Variants in PDE2A observed in about 807,000 individuals in gnomAD.
PDE2A encodes phosphodiesterase 2A, also known as cGMP-dependent 3',5'-cyclic phosphodiesterase.
A neutral mutation model predicts 133.6 loss-of-function variants in PDE2A; 53 were observed. The ratio of observed to expected loss-of-function variants is 0.40; its 90% confidence interval spans 0.32 to 0.50. The LOEUF is 0.50. Among genes scored for constraint, PDE2A ranks in the 20% least tolerant of loss-of-function variants. PDE2A has a pLI of 0.73. For missense variants in PDE2A, 796 were observed against 1,232.4 expected (o/e 0.65, Z 5.30); for synonymous variants, 491 against 490.2 (o/e 1.00, Z -0.02).
intron 4 of PDE2A, chr11:72,599,032 CA>C (rs1459887700): frequency 1.0e-6 from 1 of 985,270 alleles, no homozygotes; most frequent in African/African-American, 1.7e-5. Context: ...TTCACGGAGG[CA>C]GGGGGTGACC....
rs3741160 is a variant in PDE2A, at chr11:72,578,635, G to A, written c.2470-121C>T. On this transcript the variant is annotated intron_variant, in intron 28 of 30. Transcript: ENST00000334456. The surrounding 1 kb of genome is among the most constrained non-coding windows in gnomAD (Gnocchi z 4.2). Reference sequence around the variant, plus strand: ...GGGATTCAGTCCCAGCTCAGGAGCCGTCCCCACCAGCCCCAGCTTGGCAGT... The same window carrying A: ...GGGATTCAGTCCCAGCTCAGGAGCCATCCCCACCAGCCCCAGCTTGGCAGT... 1.5e-4 allele frequency: 136 copies of A among 884,364 alleles called. No individual in the cohort carries two copies. The highest frequency in any genetic ancestry group is 4.4e-4 in the Middle Eastern group (2 of 4,576). The allele number at this position is 884,364 out of a possible 1,614,324, so 54.8% of individuals were successfully genotyped here. A position where few individuals can be genotyped will look rare whatever the true frequency, so the allele number is the denominator to read the frequency against.
At chr11:72,637,271 C>A (rs533040870) in intron 2 of PDE2A, among the ~76,000 whole-genome samples, 19 of 152,344 alleles carry the variant, frequency 1.2e-4, no homozygotes, top group Middle Eastern at 6.8e-3. Context: ...ACCAACATCA[C>A]TCCCTGTTTC....
At chr11:72,620,728 T>G (rs1238658283) in intron 2 of PDE2A, among the ~76,000 whole-genome samples, 1 of 152,074 alleles carries the variant, frequency 6.6e-6, no homozygotes, top group Non-Finnish European at 1.5e-5. Flanking sequence ...TTGAGCAAAT[T>G]GCATTGGCCT....
chr11:72,612,756 C>CT (rs1438146890), intron 2 of PDE2A, among the ~76,000 whole-genome samples: 1 of 151,912 alleles, frequency 6.6e-6, no homozygotes, highest in African/African-American at 2.4e-5. Flanking sequence ...TAGATGGAGC[C>CT]TTTCTGCTCT....
At chr11:72,619,677 G>A (rs998133445) in intron 2 of PDE2A, among the ~76,000 whole-genome samples, 4 of 152,166 alleles carry the variant, frequency 2.6e-5, no homozygotes, top group African/African-American at 9.7e-5. Flanking sequence ...GAATGCGCTG[G>A]TGGTTAGTCT....
At position 72,577,337 on chromosome 11, in the gene PDE2A, G is replaced by C. The variant is rs1473802732; in HGVS notation, c.*47C>G. ...CCCAGTGCATCTGGCCAGACCAGTG[G>C]AGGGCTGTGGGAGGTGGCCTGGGCA... On this transcript the variant is annotated 3_prime_UTR_variant, in exon 31 of 31. Transcript: ENST00000334456. The C allele has an allele frequency of 6.9e-7, 1 of 1,451,680 alleles. No individual in the cohort carries two copies. Among genetic ancestry groups the C allele is most frequent in the Admixed American group, 1.7e-5 (1 of 58,938 alleles). The allele number at this position is 1,451,680 out of a possible 1,614,324, so 89.9% of individuals were successfully genotyped here.
intron 1 of PDE2A, among the ~76,000 whole-genome samples, chr11:72,644,442 C>A (rs1367645369): frequency 6.6e-6 from 1 of 152,248 alleles, no homozygotes; most frequent in African/African-American, 2.4e-5. Flanking sequence ...CATGTAAGGG[C>A]TGTTGGAAGG....
intron 1 of PDE2A, among the ~76,000 whole-genome samples, chr11:72,665,160 C>T (rs185181605): frequency 7.9e-5 from 12 of 152,158 alleles, no homozygotes; most frequent in Admixed American, 4.6e-4. Context: ...GAGGTGGTAC[C>T]CAATTGCTGC....
chr11:72,628,796 A>G (rs1005775579), intron 2 of PDE2A, among the ~76,000 whole-genome samples: 5 of 152,146 alleles, frequency 3.3e-5, no homozygotes, highest in African/African-American at 1.2e-4. Context: ...GGCTTCCCAG[A>G]TCCACCCTGA....
intron 2 of PDE2A, among the ~76,000 whole-genome samples, chr11:72,632,020 G>C (rs575614513): frequency 6.6e-6 from 1 of 152,336 alleles, no homozygotes; most frequent in South Asian, 2.1e-4. Flanking sequence ...CTTCAGAATC[G>C]TGTGGTGGGG....
intron 1 of PDE2A, 165 bp from the exon 2 acceptor site, chr11:72,642,491 C>T (rs1228980646): frequency 1.6e-5 from 11 of 699,346 alleles, no homozygotes; most frequent in East Asian, 2.8e-4. Flanking sequence ...GGCCCGCCCC[C>T]CGCCCGCCCC....
At chr11:72,614,569 G>T (rs1183243779) in intron 2 of PDE2A, among the ~76,000 whole-genome samples, 2 of 152,182 alleles carry the variant, frequency 1.3e-5, no homozygotes, top group East Asian at 3.9e-4. Context: ...CACCCCCAGG[G>T]TTTCTGATAC....
chr11:72,578,303 C>A lies in PDE2A; in HGVS notation c.2545G>T (p.Asp849Tyr). ...AMGNRPMEMM[D>Y]REKAYIPELQ... ...TCAGGGATATAGGCCTTCTCCCGGT[C>A]CATCATCTCCATCGGCCTGTTGCCC... Residue 849 changes from aspartate (D) to tyrosine (Y), a missense_variant, in exon 30 of 31, where the codon GAC (aspartate) becomes TAC (tyrosine). Asp to Tyr is a radical substitution (Grantham distance 160). This residue lies in a region of PDE2A where 28 missense variants were observed against 86.0 expected (regional missense o/e 0.33). Transcript: ENST00000334456. This position sits in a 1 kb window ranked among gnomAD's most constrained non-coding sequence, Gnocchi z 4.2. 1 of 1,613,952 alleles carries A rather than the reference C, an allele frequency of 6.2e-7. No homozygotes were observed. The highest frequency in any genetic ancestry group is 8.5e-7 in the Non-Finnish European group (1 of 1,179,880).
chr11:72,629,176 C>T (rs887621390), intron 2 of PDE2A, among the ~76,000 whole-genome samples: 4 of 152,238 alleles, frequency 2.6e-5, no homozygotes, highest in African/African-American at 9.7e-5. Context: ...GGGATAGGAG[C>T]AGGTGGGGCC....
At chr11:72,601,231 A>C (rs1465043128) in intron 4 of PDE2A, among the ~76,000 whole-genome samples, 26 of 78,182 alleles carry the variant, frequency 3.3e-4, no homozygotes, top group African/African-American at 5.6e-4. Flanking sequence ...ACTGTGCCCC[A>C]ATCCCCTCAC....
chr11:72,583,551 G>T, intron 19 of PDE2A, 36 bp from the exon 20 acceptor site: 1 of 1,456,528 alleles, frequency 6.9e-7, no homozygotes, highest in East Asian at 2.3e-5. Flanking sequence ...CTCAAGGAAG[G>T]TGGCTGTGAA....
intron 2 of PDE2A, chr11:72,631,103 G>C (rs1329294001): frequency 1.0e-5 from 16 of 1,547,938 alleles, no homozygotes; most frequent in Non-Finnish European, 1.2e-5. Context: ...TCTACTCCCT[G>C]GGGGTCCTGG....
At chr11:72,605,735 G>C (rs61130136) in intron 3 of PDE2A, among the ~76,000 whole-genome samples, 8,326 of 152,308 alleles carry the variant, frequency 0.055, 526 homozygotes, top group African/African-American at 0.16. Flanking sequence ...AGGGCACTGC[G>C]CCATCCTCCG....
chr11:72,634,069 T>C (rs1858556042), intron 2 of PDE2A, among the ~76,000 whole-genome samples: 1 of 152,102 alleles, frequency 6.6e-6, no homozygotes, highest in Non-Finnish European at 1.5e-5. Context: ...AATCTAACTT[T>C]CACTGGAGAG....
Sources: gnomAD v4.1 joint callset for allele counts (sites outside exome capture counted in the v4.1 genomes callset) on GRCh38, gnomAD v4.1.1 for gene constraint, gnomAD v4.1.1 regional missense constraint, Gnocchi (gnomAD v3.1) non-coding constraint, MANE v1.5 for transcripts, NCBI Gene and HGNC (gene_info 2026-07-23, HGNC 2026-07-21) for gene names.